Variants in XYLT1 observed in about 807,000 individuals in gnomAD.
XYLT1 encodes beta-D-xylosyltransferase 1.
In XYLT1, 36 loss-of-function variants were observed where a neutral mutation model predicts 91.3. That is an observed-to-expected ratio of 0.39 (90% confidence interval 0.30 to 0.52). The LOEUF is 0.52. Among genes scored for constraint, XYLT1 ranks in the 20% least tolerant of loss-of-function variants. The pLI, the probability that XYLT1 is intolerant of heterozygous loss-of-function variation, is 0.68. For missense variants in XYLT1, 1,242 were observed against 1,284.5 expected, an observed-to-expected ratio of 0.97 and a Z score of 0.51; for synonymous variants, 588 against 532.0, an observed-to-expected ratio of 1.11 and a Z score of -1.45.
intron 11 of XYLT1, among the ~76,000 whole-genome samples, chr16:17,112,592 C>T (rs1306834121): frequency 6.6e-6 from 1 of 152,158 alleles, no homozygotes; most frequent in Non-Finnish European, 1.5e-5. Context: ...ACTCCCCTCT[C>T]CTCCATGTCT....
At chr16:17,249,083 A>C (rs892912076) in intron 3 of XYLT1, among the ~76,000 whole-genome samples, 1 of 152,138 alleles carries the variant, frequency 6.6e-6, no homozygotes, top group East Asian at 1.9e-4. Flanking sequence ...ACAGGCCACA[A>C]GCTCCCTGAG....
At chr16:17,349,204 A>C (rs938359710) in intron 2 of XYLT1, among the ~76,000 whole-genome samples, 2 of 152,238 alleles carry the variant, frequency 1.3e-5, no homozygotes, top group Non-Finnish European at 2.9e-5. Flanking sequence ...AGATGTTTCC[A>C]AGCCCATGTG....
intron 2 of XYLT1, among the ~76,000 whole-genome samples, chr16:17,280,979 G>A (rs1420841543): frequency 6.6e-6 from 1 of 152,188 alleles, no homozygotes; most frequent in African/African-American, 2.4e-5. Flanking sequence ...ATGCCCAGGT[G>A]CCCACACGGG....
At chr16:17,369,402 C>A (rs2035498538) in intron 1 of XYLT1, among the ~76,000 whole-genome samples, 1 of 152,102 alleles carries the variant, frequency 6.6e-6, no homozygotes, top group Non-Finnish European at 1.5e-5. Flanking sequence ...AAAGATCTGA[C>A]CCACTGGGTA....
intron 11 of XYLT1, among the ~76,000 whole-genome samples, chr16:17,115,845 A>T (rs997819939): frequency 7.1e-6 from 1 of 140,392 alleles, no homozygotes; most frequent in African/African-American, 2.5e-5. Flanking sequence ...TTGCACTATT[A>T]TCAGTAACAT....
intron 2 of XYLT1, among the ~76,000 whole-genome samples, chr16:17,316,698 G>C (rs2034637268): frequency 6.6e-6 from 1 of 150,730 alleles, no homozygotes; most frequent in Non-Finnish European, 1.5e-5. Flanking sequence ...CACCCAGCCA[G>C]GATCCCTGCT....
intron 2 of XYLT1, among the ~76,000 whole-genome samples, chr16:17,331,567 G>A (rs2034899644): frequency 6.6e-6 from 1 of 152,166 alleles, no homozygotes. Context: ...TTTAAAGGAG[G>A]GAGGGATTAA....
intron 1 of XYLT1, among the ~76,000 whole-genome samples, chr16:17,383,752 CTTT>C (rs71373109): frequency 7.4e-6 from 1 of 135,592 alleles, no homozygotes; most frequent in African/African-American, 2.7e-5. Flanking sequence ...GTGGAATTTT[CTTT>C]TTTTTTTTTG....
rs745490215 is a variant in XYLT1 at position 17,258,996 on chromosome 16, G to A, written c.905C>T (p.Pro302Leu). The A allele has an allele frequency of 2.0e-6, 3 of 1,503,710 alleles. No individual in the cohort carries two copies. Among genetic ancestry groups the A allele is most frequent in the East Asian group, 4.6e-5 (2 of 43,574 alleles). 93.1% of individuals were successfully genotyped at this position (1,503,710 alleles called of 1,614,324 possible). A position where few individuals can be genotyped will look rare whatever the true frequency, so the allele number is the denominator to read the frequency against. ...LMPEKVTRFC[P>L]LEGKANKNVQ... ...GCGGGGTTGGAACTTACCCTCGAGG[G>A]GGCAGAACCGAGTCACCTTCTCAGG... The change falls in exon 3 of 12, where the codon CCC becomes CTC. Residue 302 changes from proline to leucine, a missense_variant. Coordinates refer to ENST00000261381, the MANE Select transcript of XYLT1 (RefSeq NM_022166.4).
At chr16:17,180,907 C>T (rs2032052941) in intron 5 of XYLT1, among the ~76,000 whole-genome samples, 1 of 152,148 alleles carries the variant, frequency 6.6e-6, no homozygotes, top group Admixed American at 6.6e-5. Context: ...AGCTGACCTG[C>T]CCAGATGTCC....
chr16:17,134,736 C>T lies in XYLT1; in HGVS notation c.1765-1G>A. 1 of 1,613,966 alleles carries T rather than the reference C, an allele frequency of 6.2e-7. No homozygotes were observed. The highest frequency in any genetic ancestry group is 2.2e-5 in the East Asian group (1 of 44,872). ...CAAAGAAGGTAGGCCGGGCTGTCTG[C>T]TGTACTCATGGGATTAAAAATAGAA... On this transcript the variant is annotated splice_acceptor_variant, in intron 8 of 11. Transcript: ENST00000261381. LOFTEE classifies it high-confidence loss of function.
At position 17,455,656 on chromosome 16, in the gene XYLT1, TTG is replaced by T. The variant is rs147021497; in HGVS notation, c.363+14776_363+14777del. 3.5e-3 allele frequency among the ~76,000 whole-genome samples: 539 copies of T among 152,284 alleles called. 2 individuals are homozygous for T. Among genetic ancestry groups the T allele is most frequent in the South Asian group, 0.01 (50 of 4,830 alleles). On this transcript the variant is annotated intron_variant, in intron 1 of 11. Coordinates refer to ENST00000261381, the MANE Select transcript of XYLT1 (RefSeq NM_022166.4). ...AGATTTAAATTGTTTTCCTCTATTA[TTG>T]TGTTTACTTCCAGGGTGGAGTTTGT... is the stretch of plus-strand genomic sequence containing the variant.
At chr16:17,223,412 T>C (rs566090554) in intron 3 of XYLT1, among the ~76,000 whole-genome samples, 1 of 152,386 alleles carries the variant, frequency 6.6e-6, no homozygotes, top group South Asian at 2.1e-4. Context: ...TCTGCTTTAT[T>C]CATGGCACTC....
At position 17,130,565 on chromosome 16, in the gene XYLT1, C is replaced by T. The variant is rs569687538; in HGVS notation, c.2028-2704G>A. 1.2e-4 allele frequency among the ~76,000 whole-genome samples: 19 copies of T among 152,212 alleles called. No homozygotes were observed. In the South Asian group the frequency reaches 3.5e-3, roughly 28 times the overall value. ...CTGGCTCACTGCAACCTCTGCCTCC[C>T]GGGTTCAAGCAGTTCTCCCTGACTC... On this transcript the variant is annotated intron_variant, in intron 9 of 11. Transcript: ENST00000261381.
chr16:17,116,529 T>C (rs1966852599), intron 11 of XYLT1, among the ~76,000 whole-genome samples: 1 of 152,222 alleles, frequency 6.6e-6, no homozygotes, highest in Non-Finnish European at 1.5e-5. Context: ...CACGGCTGCA[T>C]AGTACTCCAT....
In XYLT1 at chr16:17,134,638, G is replaced by C; in HGVS notation, c.1862C>G (p.Pro621Arg). Residue 621 changes from proline (P) to arginine (R), a missense_variant, in exon 9 of 12, where the codon CCT becomes CGT. Transcript: ENST00000261381. The stretch of plus-strand genomic sequence containing the variant: ...GGAGCGCAGGCCCGGGGTACCTGCA[G>C]GGTAGTTCCCGTACAGGTAATAGTC... Reference protein sequence around the residue: ...QLDYYLYGNYPAGTPGLRSYW... With the variant: ...QLDYYLYGNYRAGTPGLRSYW... 2 of 1,614,210 alleles carry C rather than the reference G, an allele frequency of 1.2e-6. No homozygotes were observed. Among genetic ancestry groups the C allele is most frequent in the Non-Finnish European group, 1.7e-6 (2 of 1,180,042 alleles).
At chr16:17,361,470 A>G (rs1034830586) in intron 1 of XYLT1, among the ~76,000 whole-genome samples, 6 of 152,252 alleles carry the variant, frequency 3.9e-5, no homozygotes, top group African/African-American at 1.4e-4. Flanking sequence ...AAGTGTTGTC[A>G]CAAACACTCA....
chr16:17,362,014 A>C (rs2035389394), intron 1 of XYLT1, among the ~76,000 whole-genome samples: 1 of 152,210 alleles, frequency 6.6e-6, no homozygotes, highest in African/African-American at 2.4e-5. Flanking sequence ...GAAACTGATG[A>C]CCAGAGAGAC....
At chr16:17,325,910 G>A (rs1341900722) in intron 2 of XYLT1, among the ~76,000 whole-genome samples, 1 of 152,160 alleles carries the variant, frequency 6.6e-6, no homozygotes, top group Non-Finnish European at 1.5e-5. Flanking sequence ...TGTCTATGCA[G>A]GGGAAAGCCC....
Sources: allele counts gnomAD v4.1 joint callset (sites outside exome capture counted in the v4.1 genomes callset), GRCh38; gene constraint gnomAD v4.1.1; transcripts MANE v1.5; gene names NCBI Gene and HGNC (gene_info 2026-07-23, HGNC 2026-07-21).